The following THADA variants were observed in gnomAD, a reference collection of about 807,000 sequenced individuals.
THADA encodes the protein tRNA (32-2'-O)-methyltransferase regulator THADA.
THADA carries 213 observed loss-of-function variants against 219.8 expected under a neutral mutation model. That is an observed-to-expected ratio of 0.97 (90% CI 0.87 to 1.09). The LOEUF (loss-of-function observed/expected upper bound fraction) is 1.09, where lower values mean the gene tolerates loss of function less well. THADA is among the 50% of genes least tolerant of loss of function. THADA has a pLI of 0.00. For synonymous variants in THADA, 1,018 were observed against 828.9 expected (o/e 1.23, Z -3.92); for missense variants, 2,956 against 2,311.3 (o/e 1.28, Z -5.72).
chr2:43,306,972 T>C (rs1435137712), intron 31 of THADA, among the ~76,000 whole-genome samples: 1 of 152,210 alleles, frequency 6.6e-6, no homozygotes, highest in East Asian at 1.9e-4. Context: ...TCTGAGGGTA[T>C]TATGCCCACT....
intron 30 of THADA, among the ~76,000 whole-genome samples, chr2:43,334,192 G>A (rs1391331774): frequency 6.6e-6 from 1 of 152,100 alleles, no homozygotes; most frequent in Non-Finnish European, 1.5e-5. Context: ...GACAGAAAAA[G>A]GAGAATAGAT....
chr2:43,589,110 A>T (rs538973538), intron 4 of THADA, among the ~76,000 whole-genome samples: 19 of 152,178 alleles, frequency 1.2e-4, no homozygotes, highest in Non-Finnish European at 2.5e-4. Context: ...TGGTCCAGCA[A>T]TCCCACTTCT....
intron 22 of THADA, among the ~76,000 whole-genome samples, chr2:43,512,265 C>T (rs1690574744): frequency 6.6e-6 from 1 of 152,090 alleles, no homozygotes; most frequent in African/African-American, 2.4e-5. Flanking sequence ...CAGCATCAAA[C>T]CAGCTTTTAC....
chr2:43,474,701 C>G (rs1019622580), intron 26 of THADA, among the ~76,000 whole-genome samples: 2 of 152,140 alleles, frequency 1.3e-5, no homozygotes, highest in Admixed American at 1.3e-4. Context: ...ATGCAATTGA[C>G]CATTTATATG....
intron 25 of THADA, chr2:43,491,918 C>T (rs530798251): frequency 1.3e-5 from 2 of 152,296 alleles, no homozygotes; most frequent in East Asian, 1.9e-4. Context: ...AATTCAACTG[C>T]AAACTGACAA....
chr2:43,392,403 C>T (rs1485588735), intron 29 of THADA, among the ~76,000 whole-genome samples: 1 of 152,124 alleles, frequency 6.6e-6, no homozygotes, highest in African/African-American at 2.4e-5. Flanking sequence ...AAGGTTACCT[C>T]TATCACTGAT....
At chr2:43,394,097 A>C (rs901888062) in intron 29 of THADA, among the ~76,000 whole-genome samples, 4 of 152,202 alleles carry the variant, frequency 2.6e-5, no homozygotes, top group African/African-American at 9.7e-5. Context: ...CAAATGAGGT[A>C]ATGTCCATGG....
chr2:43,231,167 G>T lies in THADA; in HGVS notation c.5643C>A (p.Leu1881=), dbSNP rs771732397. ...GAAGCTCTCTGAAGAACTGAGACAG[G>T]AGGTGGCACTGCTCTGACACCATCC... ...LQRMVSEQCH[L]LSQFFRELPP... Residue 1881 remains leucine (L), a synonymous_variant, in exon 38 of 38, where the codon CTC becomes CTA. Coordinates refer to ENST00000405975, the MANE Select transcript of THADA (RefSeq NM_022065.5). 2 of 1,613,920 alleles carry T rather than the reference G, an allele frequency of 1.2e-6. No individual in the cohort carries two copies. The highest frequency in any genetic ancestry group is 2.2e-5 in the East Asian group (1 of 44,880).
At chr2:43,589,890 T>C (rs933146623) in intron 4 of THADA, among the ~76,000 whole-genome samples, 3 of 151,992 alleles carry the variant, frequency 2.0e-5, no homozygotes, top group African/African-American at 4.8e-5. Flanking sequence ...TGAGTTTTTA[T>C]GTTATATGTC....
intron 29 of THADA, chr2:43,372,347 A>C (rs1670902889): frequency 6.6e-6 from 1 of 152,240 alleles, no homozygotes; most frequent in Non-Finnish European, 1.5e-5. Flanking sequence ...TTAATAATAA[A>C]CATCACGGAG....
At chr2:43,245,172 CT>C (rs200036949) in intron 36 of THADA, among the ~76,000 whole-genome samples, 94 of 103,086 alleles carry the variant, frequency 9.1e-4, no homozygotes, top group Middle Eastern at 6.3e-3. Flanking sequence ...CTTTCTTCTT[CT>C]TTTTTTTTTT....
At chr2:43,573,034 G>T in intron 11 of THADA, 42 bp from the exon 12 acceptor site, 2 of 1,479,162 alleles carry the variant, frequency 1.4e-6, no homozygotes, top group Non-Finnish European at 1.8e-6. Context: ...ATTATGCAAT[G>T]ACTACTATAA....
At chr2:43,404,578 A>G (rs562577895) in intron 28 of THADA, among the ~76,000 whole-genome samples, 38 of 151,800 alleles carry the variant, frequency 2.5e-4, no homozygotes, top group Non-Finnish European at 1.6e-4. Flanking sequence ...GCCTACTCCA[A>G]TTGCATATTT....
intron 36 of THADA, among the ~76,000 whole-genome samples, chr2:43,248,164 T>TAGAGAGAGAGAGAG (rs70963389): frequency 9.8e-5 from 4 of 40,940 alleles, no homozygotes; most frequent in Non-Finnish European, 1.7e-4. Flanking sequence ...TATATATATA[T>TAGAGAGAGAGAGAG]AGAGAGAGAG....
At chr2:43,487,634 G>A (rs1250554065) in intron 25 of THADA, among the ~76,000 whole-genome samples, 3 of 152,184 alleles carry the variant, frequency 2.0e-5, no homozygotes, top group Non-Finnish European at 2.9e-5. Flanking sequence ...GGAGTTAGGT[G>A]GTGGAGGCCC....
At chr2:43,558,305 T>C (rs1283299604) in intron 16 of THADA, among the ~76,000 whole-genome samples, 1 of 152,162 alleles carries the variant, frequency 6.6e-6, no homozygotes, top group African/African-American at 2.4e-5. Context: ...CACTTAACTG[T>C]ATTAAAAATT....
intron 29 of THADA, among the ~76,000 whole-genome samples, chr2:43,375,417 T>A (rs1444945320): frequency 6.6e-6 from 1 of 152,224 alleles, no homozygotes; most frequent in African/African-American, 2.4e-5. Flanking sequence ...GAAGTAAGTA[T>A]AATATAACAC....
At chr2:43,389,254 T>C (rs1436320464) in intron 29 of THADA, among the ~76,000 whole-genome samples, 2 of 152,200 alleles carry the variant, frequency 1.3e-5, no homozygotes, top group Non-Finnish European at 2.9e-5. Flanking sequence ...GAGCACATGC[T>C]CCCAGCTTTT....
chr2:43,563,531 T>C (rs1698324241), intron 15 of THADA: 1 of 152,214 alleles, frequency 6.6e-6, no homozygotes, highest in South Asian at 2.1e-4. Context: ...TTCATTACTA[T>C]CTCCCTTCAC....
Sources: gnomAD v4.1 joint callset for allele counts (sites outside exome capture counted in the v4.1 genomes callset) on GRCh38, gnomAD v4.1.1 for gene constraint, MANE v1.5 for transcripts, NCBI Gene and HGNC (gene_info 2026-07-23, HGNC 2026-07-21) for gene names.